Variants in THRB observed in about 807,000 individuals in gnomAD.
The protein encoded by THRB is thyroid hormone receptor beta, also known as nuclear receptor subfamily 1 group A member 2.
In THRB, 12 loss-of-function variants were observed where a neutral mutation model predicts 47.8. That is an observed-to-expected ratio of 0.25 (90% CI 0.16 to 0.41). The LOEUF (loss-of-function observed/expected upper bound fraction) is 0.41, where lower values mean the gene tolerates loss of function less well. Ranked by LOEUF, THRB falls within the 10% of genes least tolerant of loss-of-function variation. The pLI is 1.00. For synonymous variants in THRB, 218 were observed against 212.2 expected (o/e 1.03, Z -0.24); for missense variants, 348 against 589.2 (o/e 0.59, Z 4.24).
intron 1 of THRB, among the ~76,000 whole-genome samples, chr3:24,448,496 A>G (rs892787877): frequency 1.3e-5 from 2 of 152,162 alleles, no homozygotes; most frequent in Non-Finnish European, 2.9e-5. Context: ...GGAAAGCTAC[A>G]ATACACAGAT....
At chr3:24,447,707 T>A (rs1012651650) in intron 1 of THRB, among the ~76,000 whole-genome samples, 1 of 152,038 alleles carries the variant, frequency 6.6e-6, no homozygotes, top group South Asian at 2.1e-4. Flanking sequence ...AGACATTAGA[T>A]AATAAATCCC....
intron 1 of THRB, among the ~76,000 whole-genome samples, chr3:24,386,741 G>A (rs2149912726): frequency 6.6e-6 from 1 of 152,188 alleles, no homozygotes; most frequent in South Asian, 2.1e-4. Context: ...TTGGCTTCAG[G>A]CAACCTGGTT....
At chr3:24,180,957 C>T (rs1175094735) in intron 5 of THRB, among the ~76,000 whole-genome samples, 1 of 152,156 alleles carries the variant, frequency 6.6e-6, no homozygotes, top group Non-Finnish European at 1.5e-5. Flanking sequence ...CCAACACCTT[C>T]AGGGGAATAA....
chr3:24,120,801 G>A lies in THRB; in HGVS notation c.*2083C>T, dbSNP rs1412088238. ...AGCAGGTAATCTGCCAATGAATTTC[G>A]TGCTTATAATTGTAAATCTTTTCAC... On this transcript the variant is annotated 3_prime_UTR_variant, in exon 11 of 11. Coordinates refer to ENST00000646209, the MANE Select transcript of THRB (RefSeq NM_001354712.2). 1 of 152,190 alleles carries A rather than the reference G, an allele frequency of 6.6e-6. No individual in the cohort carries two copies. The highest frequency in any genetic ancestry group is 1.5e-5 in the Non-Finnish European group (1 of 68,030). 9.4% of individuals were successfully genotyped at this position (152,190 alleles called of 1,614,324 possible).
chr3:24,232,100 ACGGC>A, intron 3 of THRB, among the ~76,000 whole-genome samples: 1 of 152,312 alleles, frequency 6.6e-6, no homozygotes, highest in Admixed American at 6.5e-5. Flanking sequence ...TCTGTGTACC[ACGGC>A]CCTTCAAAGT....
At chr3:24,482,538 C>CCTCTCTCTCTCTCTCTCTCT (rs10575358) in intron 1 of THRB, among the ~76,000 whole-genome samples, 40 of 130,984 alleles carry the variant, frequency 3.1e-4, no homozygotes, top group African/African-American at 1.1e-3. Context: ...TTTCTGTCTC[C>CCTCTCTCTCTCTCTCTCTCT]CTCTCTCTCT....
intron 2 of THRB, among the ~76,000 whole-genome samples, chr3:24,307,449 T>G (rs554092502): frequency 2.7e-4 from 41 of 152,240 alleles, no homozygotes; most frequent in Non-Finnish European, 5.6e-4. Context: ...CCACCTAACA[T>G]CATAACCGAA....
chr3:24,481,616 G>A (rs1353615804), intron 1 of THRB, among the ~76,000 whole-genome samples: 1 of 152,114 alleles, frequency 6.6e-6, no homozygotes, highest in African/African-American at 2.4e-5. Context: ...CAAGTGACTA[G>A]ACATGTAATA....
At chr3:24,286,233 C>A (rs2055281598) in intron 3 of THRB, among the ~76,000 whole-genome samples, 1 of 152,168 alleles carries the variant, frequency 6.6e-6, no homozygotes, top group Non-Finnish European at 1.5e-5. Flanking sequence ...TTACAGCAGC[C>A]TGAACTATGA....
chr3:24,127,173 C>G (rs1344859139), intron 10 of THRB, among the ~76,000 whole-genome samples: 1 of 152,204 alleles, frequency 6.6e-6, no homozygotes, highest in Non-Finnish European at 1.5e-5. Flanking sequence ...ACATCCATAT[C>G]TGGCATACCC....
chr3:24,384,193 A>C (rs1446773401), intron 1 of THRB, among the ~76,000 whole-genome samples: 1 of 152,118 alleles, frequency 6.6e-6, no homozygotes, highest in Non-Finnish European at 1.5e-5. Flanking sequence ...TGGTTTCTAA[A>C]CAGGGCAAGT....
At chr3:24,415,613 G>A (rs532336519) in intron 1 of THRB, among the ~76,000 whole-genome samples, 1 of 151,594 alleles carries the variant, frequency 6.6e-6, no homozygotes, top group South Asian at 2.1e-4. Flanking sequence ...TGAATTCAAC[G>A]GCACATGTAG....
intron 1 of THRB, among the ~76,000 whole-genome samples, chr3:24,396,985 T>C (rs1022049589): frequency 7.9e-5 from 12 of 152,100 alleles, no homozygotes; most frequent in African/African-American, 2.2e-4. Flanking sequence ...TTAAGCACAA[T>C]TGGAAATTCA....
intron 3 of THRB, among the ~76,000 whole-genome samples, chr3:24,250,102 T>C (rs553751815): frequency 6.6e-6 from 1 of 152,296 alleles, no homozygotes; most frequent in South Asian, 2.1e-4. Context: ...TTCATAGTTA[T>C]AAGAAACAAA....
chr3:24,306,051 A>C (rs1457032741), intron 2 of THRB, among the ~76,000 whole-genome samples: 1 of 152,166 alleles, frequency 6.6e-6, no homozygotes, highest in Non-Finnish European at 1.5e-5. Flanking sequence ...AAAGTCCTTC[A>C]ATTTTTGTTG....
At chr3:24,390,222 G>A (rs568322728) in intron 1 of THRB, among the ~76,000 whole-genome samples, 1 of 152,192 alleles carries the variant, frequency 6.6e-6, no homozygotes, top group African/African-American at 2.4e-5. Context: ...ATAATTATAA[G>A]GTACTGTGAA....
At chr3:24,455,585 G>A (rs1016363024) in intron 1 of THRB, among the ~76,000 whole-genome samples, 10 of 152,160 alleles carry the variant, frequency 6.6e-5, no homozygotes, top group Admixed American at 4.6e-4. Flanking sequence ...AAAATAATCA[G>A]ACTAGACAAT....
intron 3 of THRB, among the ~76,000 whole-genome samples, chr3:24,261,520 C>CAAAAAAAAAAAAAAAAAAAAAAAA (rs1207008580): frequency 8.4e-6 from 1 of 119,544 alleles, no homozygotes; most frequent in African/African-American, 4.0e-5. Flanking sequence ...AAAAAAAAAC[C>CAAAAAAAAAAAAAAAAAAAAAAAA]AAAAAAAACT....
At chr3:24,204,853 A>C (rs968550296) in intron 4 of THRB, among the ~76,000 whole-genome samples, 1 of 152,264 alleles carries the variant, frequency 6.6e-6, no homozygotes, top group Non-Finnish European at 1.5e-5. Context: ...CTACGTGACG[A>C]ATTCACAAGC....
Sources: gnomAD v4.1 joint callset for allele counts (sites outside exome capture counted in the v4.1 genomes callset) on GRCh38, gnomAD v4.1.1 for gene constraint, MANE v1.5 for transcripts, NCBI Gene and HGNC (gene_info 2026-07-23, HGNC 2026-07-21) for gene names.